CNTNAP2: variants seen among roughly 807,000 people sequenced by gnomAD.
CNTNAP2 encodes the protein contactin associated protein 2.
CNTNAP2 carries 98 observed loss-of-function variants against 155.2 expected under a neutral mutation model. The ratio of observed to expected loss-of-function variants is 0.63; its 90% CI spans 0.54 to 0.75. The LOEUF is 0.75. Ranked by LOEUF, CNTNAP2 falls within the 30% of genes least tolerant of loss-of-function variation. The pLI, the probability that CNTNAP2 is intolerant of heterozygous loss-of-function variation, is 0.00. For missense variants in CNTNAP2, 1,727 were observed against 1,688.1 expected (o/e 1.02, Z -0.40); for synonymous variants, 651 against 631.2 (o/e 1.03, Z -0.47).
chr7:147,114,570 T>C (rs1800947365), intron 5 of CNTNAP2, among the ~76,000 whole-genome samples: 1 of 152,204 alleles, frequency 6.6e-6, no homozygotes, highest in African/African-American at 2.4e-5. Flanking sequence ...GGTAATGCCC[T>C]TCTTTGTGTT....
intron 18 of CNTNAP2, among the ~76,000 whole-genome samples, chr7:148,206,860 A>C (rs1305779147): frequency 3.3e-5 from 5 of 152,102 alleles, no homozygotes; most frequent in African/African-American, 1.2e-4. Context: ...TCAGTACTGT[A>C]GATTCCTATT....
At chr7:146,982,669 T>C (rs1339781072) in intron 3 of CNTNAP2, among the ~76,000 whole-genome samples, 1 of 152,164 alleles carries the variant, frequency 6.6e-6, no homozygotes, top group Non-Finnish European at 1.5e-5. Flanking sequence ...GACCATAAGA[T>C]ACTTATGTAT....
At chr7:147,079,637 AAATT>A (rs1410746514) in intron 4 of CNTNAP2, among the ~76,000 whole-genome samples, 2 of 150,542 alleles carry the variant, frequency 1.3e-5, no homozygotes, top group Admixed American at 1.3e-4. Context: ...TAATAATAAT[AAATT>A]AATTATAATA....
At chr7:147,577,366 C>T (rs904629691) in intron 12 of CNTNAP2, among the ~76,000 whole-genome samples, 4 of 152,020 alleles carry the variant, frequency 2.6e-5, no homozygotes, top group South Asian at 2.1e-4. Flanking sequence ...TTTGACATGA[C>T]GCTAAGCACA....
At chr7:146,471,332 T>G (rs78144835) in intron 1 of CNTNAP2, among the ~76,000 whole-genome samples, 2,773 of 152,324 alleles carry the variant, frequency 0.018, 48 homozygotes, top group African/African-American at 0.044. Flanking sequence ...AGTCGAACCT[T>G]TGATAGCTTC....
chr7:146,938,904 A>G (rs761475651), intron 3 of CNTNAP2, among the ~76,000 whole-genome samples: 3 of 152,108 alleles, frequency 2.0e-5, no homozygotes, highest in Non-Finnish European at 4.4e-5. Context: ...ATCCTGATGA[A>G]TTGAGTGATT....
intron 1 of CNTNAP2, among the ~76,000 whole-genome samples, chr7:146,160,370 C>T (rs1562971806): frequency 6.6e-6 from 1 of 152,000 alleles, no homozygotes; most frequent in Non-Finnish European, 1.5e-5. Flanking sequence ...GATAGAGACA[C>T]AAAAAACCCT....
At chr7:146,898,851 C>T (rs906834823) in intron 3 of CNTNAP2, among the ~76,000 whole-genome samples, 12 of 151,954 alleles carry the variant, frequency 7.9e-5, no homozygotes, top group African/African-American at 2.9e-4. Flanking sequence ...TACTTTTTAA[C>T]ATAATGTCTG....
At chr7:146,899,648 A>G (rs1795952109) in intron 3 of CNTNAP2, among the ~76,000 whole-genome samples, 1 of 152,198 alleles carries the variant, frequency 6.6e-6, no homozygotes, top group African/African-American at 2.4e-5. Context: ...CCAATTCCAG[A>G]TAGATAGGCT....
chr7:147,855,753 G>A (rs1287468672), intron 13 of CNTNAP2, among the ~76,000 whole-genome samples: 1 of 152,070 alleles, frequency 6.6e-6, no homozygotes, highest in Non-Finnish European at 1.5e-5. Context: ...CTTAATCCTA[G>A]GTGAGAAAAA....
intron 16 of CNTNAP2, among the ~76,000 whole-genome samples, chr7:148,142,225 C>G (rs1805089969): frequency 6.6e-6 from 1 of 151,498 alleles, no homozygotes; most frequent in Non-Finnish European, 1.5e-5. Context: ...TGTATAGGTG[C>G]AGCAGTTGGC....
intron 10 of CNTNAP2, among the ~76,000 whole-genome samples, chr7:147,401,087 G>T (rs1467929680): frequency 8.5e-5 from 13 of 152,120 alleles, no homozygotes; most frequent in Admixed American, 4.6e-4. Context: ...GGACTAAATA[G>T]CTGTTTAGAG....
chr7:147,932,031 G>T (rs754142708), intron 14 of CNTNAP2, among the ~76,000 whole-genome samples: 30 of 152,184 alleles, frequency 2.0e-4, no homozygotes, highest in Non-Finnish European at 3.8e-4. Flanking sequence ...AACTACAGGT[G>T]CATGCTACCA....
intron 4 of CNTNAP2, among the ~76,000 whole-genome samples, chr7:147,097,131 A>G (rs73154352): frequency 0.015 from 2,356 of 152,320 alleles, 38 homozygotes; most frequent in South Asian, 0.054. Flanking sequence ...CATTTGTACC[A>G]ACTAATTTAG....
chr7:147,663,361 TAGAAAA>T (rs1563043865), intron 13 of CNTNAP2, among the ~76,000 whole-genome samples: 1 of 152,220 alleles, frequency 6.6e-6, no homozygotes, highest in Admixed American at 6.5e-5. Flanking sequence ...GCAAAGTTGT[TAGAAAA>T]AGATAAATGA....
At chr7:146,440,754 T>C (rs1614837) in intron 1 of CNTNAP2, among the ~76,000 whole-genome samples, 5,638 of 151,632 alleles carry the variant, frequency 0.037, 591 homozygotes, top group African/African-American at 0.13. Context: ...AACCCGGAAG[T>C]ACCCATGCCT....
chr7:147,872,588 C>CG lies in CNTNAP2; in HGVS notation c.2099-30976dup, dbSNP rs149912675. Among the ~76,000 whole-genome samples the CG allele has an allele frequency of 7.8e-3, 1,189 of 152,100 alleles. 17 individuals are homozygous for CG. The highest frequency in any genetic ancestry group is 0.027 in the African/African-American group (1,137 of 41,464). On this transcript the variant is annotated intron_variant, in intron 13 of 23. Transcript: ENST00000361727. ...CTGGAAGGATTTTTGGTGTTTTGGC[C>CG]GTAACTTTCTAGTTCAAATTGCTCA...
rs1320609628 is a variant in CNTNAP2 at position 147,108,302 on chromosome 7, A to G, written c.706A>G (p.Ile236Val). 4 of 1,613,604 alleles carry G rather than the reference A, an allele frequency of 2.5e-6. No homozygotes were observed. The highest frequency in any genetic ancestry group is 1.3e-5 in the African/African-American group (1 of 74,904). The change falls in exon 5 of 24, where the codon ATT becomes GTT. Residue 236 changes from isoleucine (I) to valine (V), a missense_variant. Coordinates refer to ENST00000361727, the MANE Select transcript of CNTNAP2 (RefSeq NM_014141.6). ...CGGAGAAGGACAGCAAGGAGATTAC[A>G]TTACCTTGGAACTGAAAAAAGCCAA... ...LHGEGQQGDY[I>V]TLELKKAKLV...
intron 8 of CNTNAP2, among the ~76,000 whole-genome samples, chr7:147,138,981 A>AT (rs1217033511): frequency 1.3e-5 from 2 of 152,074 alleles, no homozygotes; most frequent in African/African-American, 4.8e-5. Flanking sequence ...GAGAAAAAAA[A>AT]ATCAGATATC....
Sources: allele counts gnomAD v4.1 joint callset (sites outside exome capture counted in the v4.1 genomes callset), GRCh38; gene constraint gnomAD v4.1.1; transcripts MANE v1.5; gene names NCBI Gene and HGNC (gene_info 2026-07-23, HGNC 2026-07-21).